RORC: variants seen among roughly 807,000 people sequenced by gnomAD.
RORC encodes nuclear receptor ROR-gamma.
RORC carries 13 observed loss-of-function variants against 64.5 expected under a neutral mutation model. That is an observed-to-expected ratio of 0.20 (90% CI 0.13 to 0.32). The LOEUF is 0.32. Among genes scored for constraint, RORC ranks in the 10% least tolerant of loss-of-function variants. The pLI, the probability that RORC is intolerant of heterozygous loss-of-function variation, is 1.00. For synonymous variants in RORC, 277 were observed against 259.3 expected, an observed-to-expected ratio of 1.07 and a Z score of -0.65; for missense variants, 468 against 669.5, an observed-to-expected ratio of 0.70 and a Z score of 3.32.
Position 151,807,934 on chromosome 1 carries a change from A to T in RORC, c.1396-301T>A, listed in dbSNP as rs2101649617. 6.6e-6 allele frequency among the ~76,000 whole-genome samples: 1 copy of T among 152,270 alleles called. No homozygotes were observed. Among genetic ancestry groups the T allele is most frequent in the Middle Eastern group, 3.4e-3 (1 of 292 alleles). On this transcript the variant is annotated intron_variant, in intron 10 of 10. Transcript: ENST00000318247. This position sits in a 1 kb window ranked among gnomAD's most constrained non-coding sequence, Gnocchi z 5.0. ...AATGTGCACTTCCTGCTTTTATAAG[A>T]GTGATTGTCTGTGACTCTTGTTGTA... is the stretch of plus-strand genomic sequence containing the variant.
At chr1:151,822,909 C>T (rs77697629) in intron 2 of RORC, among the ~76,000 whole-genome samples, 2,013 of 152,340 alleles carry the variant, frequency 0.013, 35 homozygotes, top group African/African-American at 0.046. Flanking sequence ...TTGGGCTGCC[C>T]GCCTGGGAGA....
chr1:151,823,780 A>G (rs754554900), intron 2 of RORC, among the ~76,000 whole-genome samples: 4 of 152,148 alleles, frequency 2.6e-5, no homozygotes, highest in Non-Finnish European at 5.9e-5. Flanking sequence ...AGCTGGGACT[A>G]CAGGTACACG....
chr1:151,824,787 C>T (rs981863157), intron 2 of RORC, among the ~76,000 whole-genome samples: 1 of 152,200 alleles, frequency 6.6e-6, no homozygotes, highest in Admixed American at 6.5e-5. Flanking sequence ...ATTCAGCTCC[C>T]TTGTTTTGCG....
chr1:151,830,815 C>A lies in RORC; in HGVS notation c.40+910G>T. The stretch of plus-strand genomic sequence containing the variant: ...AGGCCCCACCCAGCCCCGCCCACCT[C>A]CCCTTGCTCCTGCCTGGCCCCACCC... On this transcript the variant is annotated intron_variant, in intron 1 of 10. Coordinates refer to ENST00000318247, the MANE Select transcript of RORC (RefSeq NM_005060.4). The surrounding 1 kb of genome is among the most constrained non-coding windows in gnomAD (Gnocchi z 4.0). 6.9e-6 allele frequency: 3 copies of A among 437,536 alleles called. No individual in the cohort carries two copies. The highest frequency in any genetic ancestry group is 1.2e-5 in the Non-Finnish European group (3 of 254,364). 27.1% of individuals were successfully genotyped at this position (437,536 alleles called of 1,614,324 possible).
chr1:151,817,315 A>G, intron 2 of RORC, 35 bp from the exon 3 acceptor site: 1 of 1,522,098 alleles, frequency 6.6e-7, no homozygotes, highest in African/African-American at 1.4e-5. Context: ...TCAGCCCAGG[A>G]GGCTTTTCTG....
chr1:151,813,796 C>A, intron 6 of RORC, 176 bp from the exon 7 acceptor site: 1 of 684,172 alleles, frequency 1.5e-6, no homozygotes. Flanking sequence ...CCAGTGAGTC[C>A]CACACACTGA....
chr1:151,830,604 AGTCTT>A lies in RORC; in HGVS notation c.40+1116_40+1120del, dbSNP rs991975655. Among the ~76,000 whole-genome samples the A allele has an allele frequency of 1.4e-5, 2 of 144,446 alleles. No homozygotes were observed. The highest frequency in any genetic ancestry group is 5.1e-5 in the African/African-American group (2 of 39,600). 94.8% of individuals were successfully genotyped at this position (144,446 alleles called of 152,430 possible). ...TGTTATTTTTTTCCTTCTGCTGTTC[AGTCTT>A]GACACCTGACATACACACACACACA... On this transcript the variant is annotated intron_variant, in intron 1 of 10. Coordinates refer to ENST00000318247, the MANE Select transcript of RORC (RefSeq NM_005060.4). This position sits in a 1 kb window ranked among gnomAD's most constrained non-coding sequence, Gnocchi z 4.0.
At chr1:151,812,880 CTCT>C in intron 9 of RORC, 64 bp downstream of exon 9, 1 of 1,022,430 alleles carries the variant, frequency 9.8e-7, no homozygotes, top group South Asian at 1.3e-5. Context: ...AAGGTCTAGA[CTCT>C]TCTTCAATAT....
intron 2 of RORC, 81 bp from the exon 3 acceptor site, chr1:151,817,361 G>T: frequency 1.1e-6 from 1 of 934,526 alleles, no homozygotes; most frequent in African/African-American, 1.6e-5. Flanking sequence ...GCAGATACAG[G>T]TACCTGGTGC....
intron 2 of RORC, among the ~76,000 whole-genome samples, chr1:151,822,077 A>ATGAG (rs1211641722): frequency 6.6e-6 from 1 of 151,780 alleles, no homozygotes; most frequent in African/African-American, 2.4e-5. Flanking sequence ...GAATGAATGA[A>ATGAG]TGAGTGAGAA....
intron 2 of RORC, among the ~76,000 whole-genome samples, chr1:151,820,651 T>A (rs897986700): frequency 6.6e-6 from 1 of 152,154 alleles, no homozygotes; most frequent in Non-Finnish European, 1.5e-5. Context: ...AAAACTCCAA[T>A]TCCACATCTT....
intron 2 of RORC, among the ~76,000 whole-genome samples, chr1:151,818,985 G>T (rs1651880864): frequency 6.6e-6 from 1 of 152,156 alleles, no homozygotes; most frequent in African/African-American, 2.4e-5. Flanking sequence ...CAGGGCACAT[G>T]GGTATCTGAA....
chr1:151,815,772 T>C (rs1207061750), intron 4 of RORC, among the ~76,000 whole-genome samples: 1 of 152,096 alleles, frequency 6.6e-6, no homozygotes, highest in Non-Finnish European at 1.5e-5. Context: ...CCTCAAGCTG[T>C]ATTGGGGTCA....
chr1:151,811,396 G>C lies in RORC; in HGVS notation c.1324C>G (p.Leu442Val), dbSNP rs1420005677. 1.9e-6 allele frequency: 3 copies of C among 1,614,024 alleles called. No individual in the cohort carries two copies. Among genetic ancestry groups the C allele is most frequent in the Non-Finnish European group, 2.5e-6 (3 of 1,179,898 alleles). The change falls in exon 10 of 11, where the codon CTG (leucine) becomes GTG (valine). Residue 442 changes from leucine (L) to valine (V), a missense_variant. Physicochemically the swap from Leu to Val is conservative, Grantham distance 32 (BLOSUM62 1). This residue lies in a region of RORC where 93 missense variants were observed against 116.6 expected (regional missense o/e 0.80). Transcript: ENST00000318247. ...GLQEKRKVEQLQYNLELAFHH... is the reference protein window; with the variant it reads ...GLQEKRKVEQVQYNLELAFHH... ...AAGGCCAGCTCCAGATTGTACTGCAGCTGTTCTACTTTCCTTTTCTCTTGG... is the reference window on the plus strand; with the variant it reads ...AAGGCCAGCTCCAGATTGTACTGCACCTGTTCTACTTTCCTTTTCTCTTGG...
intron 2 of RORC, among the ~76,000 whole-genome samples, chr1:151,823,213 C>T (rs1652060020): frequency 6.6e-6 from 1 of 152,088 alleles, no homozygotes; most frequent in Non-Finnish European, 1.5e-5. Flanking sequence ...GACTTGGAGT[C>T]CTTTCTGGCC....
chr1:151,814,742 C>G (rs746242735), intron 5 of RORC, 47 bp from the exon 6 acceptor site: 1 of 1,584,032 alleles, frequency 6.3e-7, no homozygotes, highest in Non-Finnish European at 8.6e-7. Context: ...CCAGCTCCTA[C>G]GCCTACCCAT....
At chr1:151,831,077 C>A (rs1652393978) in intron 1 of RORC, 1 of 1,288,938 alleles carries the variant, frequency 7.8e-7, no homozygotes, top group African/African-American at 1.5e-5. Context: ...TGGGTGGGGC[C>A]AAGGACGGCC....
intron 10 of RORC, among the ~76,000 whole-genome samples, chr1:151,810,763 C>T (rs951523607): frequency 4.6e-5 from 7 of 152,172 alleles, no homozygotes; most frequent in Non-Finnish European, 8.8e-5. Flanking sequence ...GAACTCCTGA[C>T]CTCAGGTGAT....
intron 2 of RORC, among the ~76,000 whole-genome samples, chr1:151,824,205 A>G (rs1652103048): frequency 6.6e-6 from 1 of 152,016 alleles, no homozygotes; most frequent in South Asian, 2.1e-4. Flanking sequence ...GCTATGAGAT[A>G]CCTGTAAATG....
Sources: allele counts gnomAD v4.1 joint callset (sites outside exome capture counted in the v4.1 genomes callset), GRCh38; gene constraint gnomAD v4.1.1; regional missense constraint gnomAD v4.1.1; non-coding constraint Gnocchi (gnomAD v3.1); transcripts MANE v1.5; gene names NCBI Gene and HGNC (gene_info 2026-07-23, HGNC 2026-07-21).